HDAC9: variants seen among roughly 807,000 people sequenced by gnomAD.
The protein encoded by HDAC9 is MEF-2 interacting transcription repressor (MITR) protein.
HDAC9 carries 41 observed loss-of-function variants against 139.4 expected under a neutral mutation model. The observed-to-expected ratio is 0.29, with a 90% CI of 0.23 to 0.38. The LOEUF (loss-of-function observed/expected upper bound fraction) is 0.38. HDAC9 is among the 10% of genes least tolerant of loss of function. The pLI is 1.00. For missense variants in HDAC9, 1,147 were observed against 1,297.0 expected (o/e 0.88, Z 1.78); for synonymous variants, 517 against 476.2 (o/e 1.09, Z -1.12).
At chr7:18,711,753 CA>C (rs1205944189) in intron 12 of HDAC9, among the ~76,000 whole-genome samples, 1 of 152,264 alleles carries the variant, frequency 6.6e-6, no homozygotes, top group East Asian at 1.9e-4. Flanking sequence ...CATTTTGCCA[CA>C]AAAGAACAGC....
intron 2 of HDAC9, among the ~76,000 whole-genome samples, chr7:18,562,394 A>G (rs1295874536): frequency 6.6e-6 from 1 of 152,186 alleles, no homozygotes; most frequent in East Asian, 1.9e-4. Flanking sequence ...ATCCAAAGTC[A>G]CAAAGATTTA....
At chr7:18,131,246 T>G (rs1386534186) in intron 1 of HDAC9, among the ~76,000 whole-genome samples, 1 of 152,146 alleles carries the variant, frequency 6.6e-6, no homozygotes, top group Non-Finnish European at 1.5e-5. Flanking sequence ...TCTCAAAAGG[T>G]GAGCTCTCTG....
chr7:18,323,738 G>T (rs574838130), intron 1 of HDAC9, among the ~76,000 whole-genome samples: 1 of 152,202 alleles, frequency 6.6e-6, no homozygotes, highest in African/African-American at 2.4e-5. Flanking sequence ...GTACCAAGAA[G>T]AACAAATTGC....
intron 6 of HDAC9, among the ~76,000 whole-genome samples, chr7:18,621,696 G>T (rs1840255482): frequency 6.6e-6 from 1 of 152,048 alleles, no homozygotes; most frequent in Non-Finnish European, 1.5e-5. Context: ...GCTCCTTAGT[G>T]TCAAAATATA....
chr7:18,761,271 A>AT (rs1228793012), intron 14 of HDAC9, among the ~76,000 whole-genome samples: 3 of 152,194 alleles, frequency 2.0e-5, no homozygotes, highest in African/African-American at 7.2e-5. Flanking sequence ...GTTTGACCTA[A>AT]TGAACAGTTT....
chr7:18,386,901 A>G (rs1785989005), intron 1 of HDAC9, among the ~76,000 whole-genome samples: 1 of 152,206 alleles, frequency 6.6e-6, no homozygotes, highest in South Asian at 2.1e-4. Context: ...TGACAGAAAT[A>G]TCTACCATGG....
chr7:18,356,362 T>TG (rs1554388628), intron 1 of HDAC9, among the ~76,000 whole-genome samples: 1 of 128,354 alleles, frequency 7.8e-6, no homozygotes, highest in Non-Finnish European at 1.7e-5. Flanking sequence ...ACATAGGTTT[T>TG]TTTTTTTTTT....
At chr7:18,280,222 C>T (rs556468530) in intron 2 of HDAC9, among the ~76,000 whole-genome samples, 5 of 152,124 alleles carry the variant, frequency 3.3e-5, no homozygotes, top group Admixed American at 6.5e-5. Context: ...GAGGCCAAGG[C>T]GGAAGGATTG....
At chr7:18,334,251 C>G (rs1296491272) in intron 1 of HDAC9, among the ~76,000 whole-genome samples, 1 of 151,230 alleles carries the variant, frequency 6.6e-6, no homozygotes, top group Non-Finnish European at 1.5e-5. Context: ...ATTTTTATGA[C>G]TTTATAGGCA....
intron 1 of HDAC9, among the ~76,000 whole-genome samples, chr7:18,147,838 A>G (rs922534321): frequency 6.6e-6 from 1 of 152,094 alleles, no homozygotes; most frequent in Admixed American, 6.5e-5. Flanking sequence ...TATGTGGTAT[A>G]TTATATAAAT....
chr7:18,792,139 A>G (rs1792368972), intron 16 of HDAC9, among the ~76,000 whole-genome samples: 1 of 151,926 alleles, frequency 6.6e-6, no homozygotes, highest in African/African-American at 2.4e-5. Flanking sequence ...GTGTGTAAGA[A>G]CCTCATGAGA....
chr7:18,591,586 C>A lies in HDAC9; in HGVS notation c.486C>A (p.Asp162Glu). 1 of 1,613,474 alleles carries A rather than the reference C, an allele frequency of 6.2e-7. No individual in the cohort carries two copies. The part of the protein sequence containing the change: ...EFLLSKSATK[D>E]TPTNGKNHSV... The stretch of plus-strand genomic sequence containing the variant: ...TACTGAGTAAATCAGCAACGAAAGA[C>A]ACTCCAACTAATGGAAAAAATCATT... Residue 162 changes from aspartate to glutamate, a missense_variant, in exon 5 of 26, where the codon GAC becomes GAA. Asp to Glu is a conservative substitution (Grantham distance 45, BLOSUM62 2). Transcript: ENST00000686413.
In HDAC9 at chr7:18,634,333, GTT is replaced by G. The variant is rs569172281; in HGVS notation, c.797-281_797-280del. Among the ~76,000 whole-genome samples the G allele has an allele frequency of 8.3e-4, 117 of 140,522 alleles. 1 individual carries two copies. The highest frequency in any genetic ancestry group is 2.9e-3 in the African/African-American group (112 of 38,766). 92.2% of individuals were successfully genotyped at this position (140,522 alleles called of 152,430 possible). A position where few individuals can be genotyped will look rare whatever the true frequency, so the allele number is the denominator to read the frequency against. ...AAGTAAGAAAAGATTCCTTTCTTCA[GTT>G]TTTTTTTTTTTTCTCATTCAAAGCT... is the stretch of plus-strand genomic sequence containing the variant. On this transcript the variant is annotated intron_variant, in intron 7 of 25. Transcript: ENST00000686413.
rs1718447141 is a variant in HDAC9 at position 18,733,411 on chromosome 7, G to A, written c.1909+5654G>A. ...GTTATTACTCATATTAGAATAGAGAGACTAATTTTTTCTTTTGTCAGGAAA... is the reference window on the plus strand; with the variant it reads ...GTTATTACTCATATTAGAATAGAGAAACTAATTTTTTCTTTTGTCAGGAAA... On this transcript the variant is annotated intron_variant, in intron 13 of 25. Coordinates refer to ENST00000686413, the MANE Select transcript of HDAC9 (RefSeq NM_178425.4). Among the ~76,000 whole-genome samples, 4 of 150,646 alleles carry A rather than the reference G, an allele frequency of 2.7e-5. No individual in the cohort carries two copies. The South Asian group carries it at 8.3e-4, about 31-fold the overall frequency.
At chr7:18,462,236 A>G (rs760254077) in intron 1 of HDAC9, among the ~76,000 whole-genome samples, 27 of 152,152 alleles carry the variant, frequency 1.8e-4, no homozygotes, top group Non-Finnish European at 3.1e-4. Flanking sequence ...TGATAAATGA[A>G]TTGTTTGTTG....
At chr7:18,566,975 G>GT (rs1822560268) in intron 2 of HDAC9, among the ~76,000 whole-genome samples, 1 of 152,190 alleles carries the variant, frequency 6.6e-6, no homozygotes. Flanking sequence ...AGGTCCTGAG[G>GT]TTATCAGGTC....
intron 2 of HDAC9, among the ~76,000 whole-genome samples, chr7:18,185,424 A>G (rs1418288626): frequency 1.3e-5 from 2 of 152,346 alleles, no homozygotes; most frequent in East Asian, 3.9e-4. Flanking sequence ...AGGAAAGCAC[A>G]AAGAACAGGA....
intron 25 of HDAC9, among the ~76,000 whole-genome samples, chr7:18,988,799 C>T (rs376662491): frequency 9.9e-5 from 15 of 151,662 alleles, no homozygotes; most frequent in South Asian, 2.1e-4. Flanking sequence ...GTTGAATTGA[C>T]CCCTTTACCA....
At chr7:18,882,314 T>C (rs962256972) in intron 22 of HDAC9, among the ~76,000 whole-genome samples, 4 of 152,128 alleles carry the variant, frequency 2.6e-5, no homozygotes, top group Admixed American at 2.6e-4. Context: ...TGAAAACTGC[T>C]TCTGACAATG....
Sources: allele counts gnomAD v4.1 joint callset (sites outside exome capture counted in the v4.1 genomes callset), GRCh38; gene constraint gnomAD v4.1.1; transcripts MANE v1.5; gene names NCBI Gene and HGNC (gene_info 2026-07-23, HGNC 2026-07-21).